Variants in EYA4 observed in about 807,000 individuals in gnomAD.
EYA4 encodes EYA transcriptional coactivator and phosphatase 4.
A neutral mutation model predicts 87.9 loss-of-function variants in EYA4; 31 were observed. The ratio of observed to expected loss-of-function variants is 0.35; its 90% confidence interval spans 0.27 to 0.48. The LOEUF (loss-of-function observed/expected upper bound fraction) is 0.48. Among genes scored for constraint, EYA4 ranks in the 20% least tolerant of loss-of-function variants. The pLI, the probability that EYA4 is intolerant of heterozygous loss-of-function variation, is 0.99. For synonymous variants in EYA4, 263 were observed against 270.6 expected (o/e 0.97, Z 0.28); for missense variants, 678 against 761.4 (o/e 0.89, Z 1.29).
intron 1 of EYA4, among the ~76,000 whole-genome samples, chr6:133,256,912 ATTC>A (rs1775381353): frequency 6.6e-6 from 1 of 152,110 alleles, no homozygotes; most frequent in African/African-American, 2.4e-5. Flanking sequence ...TAGCTAATGT[ATTC>A]CTCTTGCATT....
chr6:133,522,263 G>GCTGC (rs10648400), intron 17 of EYA4, among the ~76,000 whole-genome samples: 109,244 of 147,554 alleles, frequency 0.74, 40,555 homozygotes, highest in South Asian at 0.81. Context: ...ATGTTGGTGT[G>GCTGC]CTATTTGTTT....
chr6:133,379,354 TG>T (rs2128475460), intron 2 of EYA4, among the ~76,000 whole-genome samples: 1 of 152,268 alleles, frequency 6.6e-6, no homozygotes, highest in Admixed American at 6.5e-5. Context: ...AAGTCTCAAA[TG>T]GAAGAGTGTG....
At chr6:133,460,738 C>T (rs2128654149) in intron 6 of EYA4, among the ~76,000 whole-genome samples, 1 of 151,762 alleles carries the variant, frequency 6.6e-6, no homozygotes, top group East Asian at 1.9e-4. Flanking sequence ...TATATATTGC[C>T]ATCATATTTG....
At chr6:133,417,299 C>T (rs1194432379) in intron 3 of EYA4, among the ~76,000 whole-genome samples, 1 of 152,066 alleles carries the variant, frequency 6.6e-6, no homozygotes, top group African/African-American at 2.4e-5. Flanking sequence ...TCTCTTTGCA[C>T]TCTGTGAGTT....
At chr6:133,274,018 C>T (rs1341254967) in intron 1 of EYA4, among the ~76,000 whole-genome samples, 1 of 152,052 alleles carries the variant, frequency 6.6e-6, no homozygotes, top group Non-Finnish European at 1.5e-5. Flanking sequence ...AATCCTCTAT[C>T]TGGGGATTTA....
intron 1 of EYA4, among the ~76,000 whole-genome samples, chr6:133,262,586 G>T (rs1206397758): frequency 2.0e-5 from 3 of 152,172 alleles, no homozygotes; most frequent in Non-Finnish European, 4.4e-5. Context: ...AGAACACCTT[G>T]TTTGGACCTG....
At chr6:133,436,763 G>A (rs2128599360) in intron 3 of EYA4, among the ~76,000 whole-genome samples, 1 of 152,298 alleles carries the variant, frequency 6.6e-6, no homozygotes, top group Non-Finnish European at 1.5e-5. Flanking sequence ...AGAAAAAGCT[G>A]GCATGAGTGG....
chr6:133,376,388 G>A (rs1345121125), intron 2 of EYA4, among the ~76,000 whole-genome samples: 3 of 151,744 alleles, frequency 2.0e-5, no homozygotes, highest in Non-Finnish European at 1.5e-5. Flanking sequence ...TGTTTTCAGT[G>A]TATAGTATGT....
chr6:133,372,162 C>G (rs140532243), intron 2 of EYA4, among the ~76,000 whole-genome samples: 2 of 152,018 alleles, frequency 1.3e-5, no homozygotes, highest in African/African-American at 4.8e-5. Flanking sequence ...TAATAAATTT[C>G]TTAGATTTTA....
At chr6:133,429,612 AG>A (rs1218831140) in intron 3 of EYA4, among the ~76,000 whole-genome samples, 1 of 152,116 alleles carries the variant, frequency 6.6e-6, no homozygotes. Context: ...TAATAGCTAG[AG>A]GGGGGAAATA....
chr6:133,468,757 AC>A (rs1353081435), intron 11 of EYA4, 26 bp downstream of exon 11: 1 of 1,610,998 alleles, frequency 6.2e-7, no homozygotes, highest in Admixed American at 1.7e-5. Flanking sequence ...CAGGTGAAAT[AC>A]TTTTATATGT....
Position 133,429,384 on chromosome 6 carries a change from T to G in EYA4, c.84-17246T>G, listed in dbSNP as rs1583253789. ...TAGTAAGCTTAGGAGGGAGAAAGGT[T>G]GAGGAGAAGTTATTAACATTGTCAT... On this transcript the variant is annotated intron_variant, in intron 3 of 19. Transcript: ENST00000355286. Among the ~76,000 whole-genome samples the G allele has an allele frequency of 2.0e-5, 3 of 152,150 alleles. No homozygotes were observed. In the East Asian group the frequency reaches 5.8e-4, roughly 29 times the overall value.
At position 133,468,370 on chromosome 6, in the gene EYA4, G is replaced by C. The variant is rs547202084; in HGVS notation, c.805-196G>C. The stretch of plus-strand genomic sequence containing the variant: ...TGGACCTGGTTTGCCAAAACAATAG[G>C]GTATTTCACTACTATATGTTTGTAA... On this transcript the variant is annotated intron_variant, in intron 10 of 19. Coordinates refer to ENST00000355286, the MANE Select transcript of EYA4 (RefSeq NM_004100.5). 4.6e-5 allele frequency among the ~76,000 whole-genome samples: 7 copies of C among 151,922 alleles called. No individual in the cohort carries two copies. In the South Asian group the frequency reaches 1.5e-3, roughly 32 times the overall value.
intron 3 of EYA4, among the ~76,000 whole-genome samples, chr6:133,400,728 A>G (rs1284646185): frequency 6.6e-6 from 1 of 152,092 alleles, no homozygotes; most frequent in Non-Finnish European, 1.5e-5. Flanking sequence ...TTATTTTTAA[A>G]TACCTTGGAG....
intron 6 of EYA4, among the ~76,000 whole-genome samples, chr6:133,458,747 T>G (rs1229445751): frequency 6.6e-6 from 1 of 152,034 alleles, no homozygotes; most frequent in African/African-American, 2.4e-5. Context: ...CCACTTCTCA[T>G]CCCATTGAGA....
chr6:133,298,776 C>T lies in EYA4; in HGVS notation c.33+23963C>T, dbSNP rs117983130. Reference sequence around the variant, plus strand: ...AAATTATTTGCTAAAAATATGAGGTCGGACCGTGTGAAACTGCCACTATTT... The same window carrying T: ...AAATTATTTGCTAAAAATATGAGGTTGGACCGTGTGAAACTGCCACTATTT... On this transcript the variant is annotated intron_variant, in intron 2 of 19. Coordinates refer to ENST00000355286, the MANE Select transcript of EYA4 (RefSeq NM_004100.5). Among the ~76,000 whole-genome samples the T allele has an allele frequency of 3.0e-3, 459 of 152,272 alleles. 2 individuals are homozygous for T. The highest frequency in any genetic ancestry group is 8.9e-3 in the Admixed American group (136 of 15,300).
chr6:133,349,677 T>C (rs1157393386), intron 2 of EYA4, among the ~76,000 whole-genome samples: 2 of 151,258 alleles, frequency 1.3e-5, no homozygotes, highest in Non-Finnish European at 2.9e-5. Flanking sequence ...AATATAGGAA[T>C]GTGGGGGCTG....
intron 3 of EYA4, among the ~76,000 whole-genome samples, chr6:133,387,620 A>G (rs1392918815): frequency 1.3e-5 from 2 of 152,196 alleles, no homozygotes; most frequent in Non-Finnish European, 2.9e-5. Flanking sequence ...CACAATGCAA[A>G]GTAATAATTA....
chr6:133,434,897 A>T (rs762793058), intron 3 of EYA4, among the ~76,000 whole-genome samples: 4 of 152,124 alleles, frequency 2.6e-5, no homozygotes, highest in Admixed American at 6.5e-5. Flanking sequence ...TTATGGCTTT[A>T]CTCCACTACT....
Sources: gnomAD v4.1 joint callset for allele counts (sites outside exome capture counted in the v4.1 genomes callset) on GRCh38, gnomAD v4.1.1 for gene constraint, MANE v1.5 for transcripts, NCBI Gene and HGNC (gene_info 2026-07-23, HGNC 2026-07-21) for gene names.